Variants in PDE2A observed in about 807,000 individuals in gnomAD.
PDE2A encodes the protein phosphodiesterase 2A.
In PDE2A, 53 loss-of-function variants were observed where a neutral mutation model predicts 133.6. The observed-to-expected ratio is 0.40, with a 90% CI of 0.32 to 0.50. The LOEUF (loss-of-function observed/expected upper bound fraction) is 0.50, where lower values mean the gene tolerates loss of function less well. PDE2A is among the 20% of genes least tolerant of loss of function. The pLI is 0.73. For missense variants in PDE2A, 796 were observed against 1,232.4 expected (o/e 0.65, Z 5.30); for synonymous variants, 491 against 490.2 (o/e 1.00, Z -0.02).
In PDE2A at chr11:72,659,005, T is replaced by C. The variant is rs78621071; in HGVS notation, c.71+15132A>G. Among the ~76,000 whole-genome samples, 832 of 152,242 alleles carry C rather than the reference T, an allele frequency of 5.5e-3. 9 individuals are homozygous for C. The highest frequency in any genetic ancestry group is 0.019 in the African/African-American group (797 of 41,508). On this transcript the variant is annotated intron_variant, in intron 1 of 30. Transcript: ENST00000334456. ...GCTGTGCCCAGCTGAGCACAAAGTC[T>C]TGCTTTGCACATTTTAACCCACTCA... is the stretch of plus-strand genomic sequence containing the variant.
intron 2 of PDE2A, among the ~76,000 whole-genome samples, chr11:72,614,178 TGCCACCTG>T (rs1234902427): frequency 6.6e-6 from 1 of 152,208 alleles, no homozygotes; most frequent in Non-Finnish European, 1.5e-5. Context: ...CACCCACGCC[TGCCACCTG>T]GCCAAGGAGA....
Position 72,590,246 on chromosome 11 carries a change from T to C in PDE2A, c.704-2A>G, listed in dbSNP as rs1204210530. ...AGGCATCCAGGTCGTAGAGTTCCCC[T>C]GCAAGGGCCAGGCGCCGGTCAGAGA... On this transcript the variant is annotated splice_acceptor_variant, in intron 8 of 30. Transcript: ENST00000334456. LOFTEE classifies it high-confidence loss of function. This position sits in a 1 kb window ranked among gnomAD's most constrained non-coding sequence, Gnocchi z 4.8. 6.4e-7 allele frequency: 1 copy of C among 1,551,480 alleles called. No homozygotes were observed. The highest frequency in any genetic ancestry group is 1.2e-5 in the South Asian group (1 of 84,068).
intron 2 of PDE2A, among the ~76,000 whole-genome samples, chr11:72,625,413 G>GACCAGCCCAATGCTCC (rs1454085367): frequency 2.0e-5 from 3 of 152,248 alleles, no homozygotes; most frequent in African/African-American, 7.2e-5. Flanking sequence ...CTGTGGACAG[G>GACCAGCCCAATGCTCC]ACCAGCCCAA....
chr11:72,668,904 G>A (rs989235710), intron 1 of PDE2A: 13 of 1,041,722 alleles, frequency 1.2e-5, no homozygotes, highest in African/African-American at 1.2e-4. Flanking sequence ...CCTCCCACAC[G>A]ATGACAGCCC....
chr11:72,627,516 G>C (rs766811819), intron 2 of PDE2A, among the ~76,000 whole-genome samples: 3 of 152,216 alleles, frequency 2.0e-5, no homozygotes, highest in Non-Finnish European at 4.4e-5. Context: ...GCAAAGGCAG[G>C]GAGGCAGGGG....
At chr11:72,647,861 T>C (rs1190368094) in intron 1 of PDE2A, among the ~76,000 whole-genome samples, 1 of 152,120 alleles carries the variant, frequency 6.6e-6, no homozygotes. Context: ...GTTTGTATCC[T>C]TGTGAGGGTG....
intron 2 of PDE2A, among the ~76,000 whole-genome samples, chr11:72,633,891 T>C (rs1392998163): frequency 6.6e-6 from 1 of 152,156 alleles, no homozygotes; most frequent in Non-Finnish European, 1.5e-5. Flanking sequence ...CCTGGACGCC[T>C]GATGCCAAGG....
chr11:72,579,264 C>T lies in PDE2A; in HGVS notation c.2356+20G>A. On this transcript the variant is annotated intron_variant, in intron 27 of 30. Transcript: ENST00000334456. ...GGTTGTTCCTCCCCAGCCCCAAGGA[C>T]TGGGGCTAACAGCAGTCACCCTCAG... 2 of 1,557,912 alleles carry T rather than the reference C, an allele frequency of 1.3e-6. No individual in the cohort carries two copies. Among genetic ancestry groups the T allele is most frequent in the Non-Finnish European group, 1.8e-6 (2 of 1,129,058 alleles).
rs1293901222 is a variant in PDE2A at position 72,578,820 on chromosome 11, G to C, written c.2469+77C>G. On this transcript the variant is annotated intron_variant, in intron 28 of 30. Coordinates refer to ENST00000334456, the MANE Select transcript of PDE2A (RefSeq NM_002599.5). This position sits in a 1 kb window ranked among gnomAD's most constrained non-coding sequence, Gnocchi z 4.2. ...AGCCAGGCTGAGCTGAGCAGAGAGA[G>C]GGTATTCAGGCACAGGGGGCACCCA... is the stretch of plus-strand genomic sequence containing the variant. 2 of 849,230 alleles carry C rather than the reference G, an allele frequency of 2.4e-6. No homozygotes were observed. Among genetic ancestry groups the C allele is most frequent in the Non-Finnish European group, 4.0e-6 (2 of 497,530 alleles). 52.6% of individuals were successfully genotyped at this position (849,230 alleles called of 1,614,324 possible).
At chr11:72,627,293 C>T (rs1858128919) in intron 2 of PDE2A, among the ~76,000 whole-genome samples, 1 of 152,222 alleles carries the variant, frequency 6.6e-6, no homozygotes, top group African/African-American at 2.4e-5. Context: ...GGATACACTA[C>T]CCACAGCACC....
intron 1 of PDE2A, among the ~76,000 whole-genome samples, chr11:72,666,529 C>A (rs556415131): frequency 2.0e-5 from 3 of 152,042 alleles, no homozygotes; most frequent in African/African-American, 4.8e-5. Context: ...GGAAGCCCAG[C>A]CCTTCAAGGG....
chr11:72,658,235 C>A, intron 1 of PDE2A: 1 of 412,930 alleles, frequency 2.4e-6, no homozygotes. Context: ...TGGTCTCCCC[C>A]ATCAGATTGG....
intron 3 of PDE2A, among the ~76,000 whole-genome samples, chr11:72,607,102 C>T (rs544098745): frequency 3.5e-4 from 53 of 152,266 alleles, no homozygotes; most frequent in African/African-American, 1.1e-3. Context: ...TGAGCCCCTC[C>T]GTGCAATCAA....
chr11:72,625,410 C>G (rs1183534498), intron 2 of PDE2A, among the ~76,000 whole-genome samples: 1 of 152,228 alleles, frequency 6.6e-6, no homozygotes, highest in Admixed American at 6.5e-5. Context: ...CAACTGTGGA[C>G]AGGACCAGCC....
At chr11:72,660,619 C>T (rs552290544) in intron 1 of PDE2A, among the ~76,000 whole-genome samples, 1 of 152,270 alleles carries the variant, frequency 6.6e-6, no homozygotes, top group East Asian at 1.9e-4. Flanking sequence ...GGTGGCAGAA[C>T]TTGCACAATC....
intron 1 of PDE2A, among the ~76,000 whole-genome samples, chr11:72,657,503 C>T (rs1854931445): frequency 6.6e-6 from 1 of 152,184 alleles, no homozygotes; most frequent in Non-Finnish European, 1.5e-5. Context: ...CCCTCAGGCC[C>T]CAGCCCCGCT....
intron 2 of PDE2A, among the ~76,000 whole-genome samples, chr11:72,614,547 G>C (rs1451034710): frequency 6.6e-6 from 1 of 152,184 alleles, no homozygotes; most frequent in Non-Finnish European, 1.5e-5. Flanking sequence ...TTAAAGTGCA[G>C]ATTGCTGGCC....
intron 2 of PDE2A, among the ~76,000 whole-genome samples, chr11:72,638,830 A>C (rs1858823703): frequency 6.6e-6 from 1 of 152,260 alleles, no homozygotes; most frequent in African/African-American, 2.4e-5. Context: ...AAGCTTGAGA[A>C]GGCTGGAGGC....
intron 2 of PDE2A, among the ~76,000 whole-genome samples, chr11:72,631,847 C>T (rs1378746006): frequency 6.6e-6 from 1 of 152,218 alleles, no homozygotes; most frequent in Non-Finnish European, 1.5e-5. Flanking sequence ...GGGGCACTGC[C>T]CAGGGCCTGG....
Sources: gnomAD v4.1 joint callset for allele counts (sites outside exome capture counted in the v4.1 genomes callset) on GRCh38, gnomAD v4.1.1 for gene constraint, Gnocchi (gnomAD v3.1) non-coding constraint, MANE v1.5 for transcripts, NCBI Gene and HGNC (gene_info 2026-07-23, HGNC 2026-07-21) for gene names.